The following RAD54L2 variants were observed in gnomAD, a reference collection of about 807,000 sequenced individuals.
RAD54L2 encodes the protein RAD54 like 2, also known as helicase ARIP4.
A neutral mutation model predicts 138.4 loss-of-function variants in RAD54L2; 27 were observed. The observed-to-expected ratio is 0.20, with a 90% confidence interval of 0.14 to 0.27. The LOEUF (loss-of-function observed/expected upper bound fraction) is 0.27, where lower values mean the gene tolerates loss of function less well. Ranked by LOEUF, RAD54L2 falls within the 10% of genes least tolerant of loss-of-function variation. The probability of loss-of-function intolerance (pLI) is 1.00; values close to 1 mark genes in which losing one functional copy is unlikely to be tolerated. For synonymous variants in RAD54L2, 644 were observed against 723.2 expected, an observed-to-expected ratio of 0.89 and a Z score of 1.76; for missense variants, 1,396 against 1,890.2, an observed-to-expected ratio of 0.74 and a Z score of 4.85.
At chr3:51,626,484 G>A (rs57884307) in intron 3 of RAD54L2, among the ~76,000 whole-genome samples, 3 of 108,002 alleles carry the variant, frequency 2.8e-5, no homozygotes, top group East Asian at 2.9e-4. Context: ...TCATTATGTC[G>A]CCCAGGCTGG....
At chr3:51,587,072 T>A (rs1422274842) in intron 2 of RAD54L2, among the ~76,000 whole-genome samples, 1 of 151,984 alleles carries the variant, frequency 6.6e-6, no homozygotes, top group Non-Finnish European at 1.5e-5. Context: ...ACCTATTAAA[T>A]GAACCAGTGA....
chr3:51,653,097 AC>A (rs1404462946), intron 19 of RAD54L2, among the ~76,000 whole-genome samples: 1 of 152,116 alleles, frequency 6.6e-6, no homozygotes, highest in Non-Finnish European at 1.5e-5. Flanking sequence ...AAATCAAACA[AC>A]CCCATCAAAA....
chr3:51,544,673 G>C (rs959647249), intron 2 of RAD54L2, among the ~76,000 whole-genome samples: 4 of 151,910 alleles, frequency 2.6e-5, no homozygotes, highest in African/African-American at 9.7e-5. Flanking sequence ...GCACGATCTT[G>C]GCTCACTGCC....
chr3:51,543,841 A>G (rs1161417002), intron 2 of RAD54L2, among the ~76,000 whole-genome samples: 3 of 152,012 alleles, frequency 2.0e-5, no homozygotes, highest in African/African-American at 4.8e-5. Flanking sequence ...TTTGCTCTCT[A>G]TTCTACAGCT....
At chr3:51,594,860 CT>C (rs71278623) in intron 3 of RAD54L2, among the ~76,000 whole-genome samples, 155 of 33,582 alleles carry the variant, frequency 4.6e-3, no homozygotes, top group African/African-American at 0.015. Context: ...TTGATGGGCG[CT>C]TTTTTTTTTT....
intron 2 of RAD54L2, among the ~76,000 whole-genome samples, chr3:51,559,168 G>A (rs1045059823): frequency 2.6e-5 from 4 of 152,100 alleles, no homozygotes; most frequent in Admixed American, 6.5e-5. Context: ...TATTAATGGC[G>A]TGAACCACTG....
chr3:51,606,212 G>A (rs1700176662), intron 3 of RAD54L2, among the ~76,000 whole-genome samples: 1 of 152,174 alleles, frequency 6.6e-6, no homozygotes, highest in South Asian at 2.1e-4. Flanking sequence ...GATAGGTGTA[G>A]TGTCTTAAAA....
intron 2 of RAD54L2, among the ~76,000 whole-genome samples, chr3:51,564,993 C>G (rs1699180904): frequency 6.6e-6 from 1 of 152,044 alleles, no homozygotes; most frequent in Non-Finnish European, 1.5e-5. Context: ...TTTTGTTCAT[C>G]ACACTCCTGA....
At chr3:51,660,868 C>T (rs1701750042) in intron 22 of RAD54L2, among the ~76,000 whole-genome samples, 1 of 151,800 alleles carries the variant, frequency 6.6e-6, no homozygotes, top group Admixed American at 6.6e-5. Flanking sequence ...GATCCGCCTG[C>T]CTCGGCCTCC....
chr3:51,569,590 G>C (rs1699291354), intron 2 of RAD54L2, among the ~76,000 whole-genome samples: 1 of 151,972 alleles, frequency 6.6e-6, no homozygotes, highest in Non-Finnish European at 1.5e-5. Flanking sequence ...TACCATGTTG[G>C]CCAGGCTGGT....
intron 2 of RAD54L2, among the ~76,000 whole-genome samples, chr3:51,550,575 C>T (rs1391594807): frequency 6.6e-6 from 1 of 152,012 alleles, no homozygotes; most frequent in African/African-American, 2.4e-5. Context: ...CCCGCCTGGG[C>T]AACATAGGGA....
intron 14 of RAD54L2, 75 bp from the exon 15 acceptor site, chr3:51,641,674 C>T (rs1701140042): frequency 1.0e-6 from 1 of 977,764 alleles, no homozygotes; most frequent in Non-Finnish European, 1.5e-6. Context: ...GAAAGTTGCA[C>T]AAGAGTATGG....
chr3:51,650,593 A>T (rs1170249186), intron 19 of RAD54L2, among the ~76,000 whole-genome samples: 1 of 152,234 alleles, frequency 6.6e-6, no homozygotes, highest in African/African-American at 2.4e-5. Context: ...TGTCTCTCAG[A>T]CCACAGTGCA....
intron 13 of RAD54L2, 68 bp downstream of exon 13, chr3:51,639,738 G>A: frequency 6.3e-7 from 1 of 1,584,070 alleles, no homozygotes. Flanking sequence ...GCCCTGCCTG[G>A]GGAAGGGGTA....
chr3:51,545,283 C>A (rs1194673231), intron 2 of RAD54L2, among the ~76,000 whole-genome samples: 4 of 152,142 alleles, frequency 2.6e-5, no homozygotes, highest in South Asian at 2.1e-4. Context: ...CCTCTGCCTC[C>A]CGGGTTCAAG....
At position 51,538,769 on chromosome 3, in the gene RAD54L2, C is replaced by G. The variant is rs1577374378; in HGVS notation, c.-263C>G. ...GACCGACGCTTGGCCAGAGCCAGCC[C>G]GCGGCGCCCGGGCCTGGCCGGCTGC... On this transcript the variant is annotated 5_prime_UTR_variant, in exon 1 of 23. Coordinates refer to ENST00000684192, the MANE Select transcript of RAD54L2 (RefSeq NM_015106.4). 1.3e-5 allele frequency among the ~76,000 whole-genome samples: 2 copies of G among 151,890 alleles called. No homozygotes were observed. The highest frequency in any genetic ancestry group is 1.9e-4 in the East Asian group (1 of 5,182).
Position 51,666,174 on chromosome 3 carries a change from C to CTTTTTTTTTTTTTT in RAD54L2, c.*2776_*2789dup, listed in dbSNP as rs1169939947. Reference sequence around the variant, plus strand: ...AGTGCTACCAGGTCCATGGTTTTTGCTTTTTTTTTTTTTTTTTTTTTTTTT... The same window carrying CTTTTTTTTTTTTTT: ...AGTGCTACCAGGTCCATGGTTTTTGCTTTTTTTTTTTTTTTTTTTTTTTTTTTTTTTTTTTTTTT... On this transcript the variant is annotated 3_prime_UTR_variant, in exon 23 of 23. Coordinates refer to ENST00000684192, the MANE Select transcript of RAD54L2 (RefSeq NM_015106.4). 7 of 58,710 alleles carry CTTTTTTTTTTTTTT rather than the reference C, an allele frequency of 1.2e-4. No homozygotes were observed. Among genetic ancestry groups the CTTTTTTTTTTTTTT allele is most frequent in the East Asian group, 5.5e-4 (1 of 1,832 alleles). The allele number at this position is 58,710 out of a possible 1,614,324, so 3.6% of individuals were successfully genotyped here. A position where few individuals can be genotyped will look rare whatever the true frequency, so the allele number is the denominator to read the frequency against.
chr3:51,554,167 G>C (rs970855888), intron 2 of RAD54L2, among the ~76,000 whole-genome samples: 3 of 152,218 alleles, frequency 2.0e-5, no homozygotes, highest in Non-Finnish European at 4.4e-5. Flanking sequence ...AAGAGATCGA[G>C]AGCAGCCTGA....
Position 51,627,565 on chromosome 3 carries a change from A to T in RAD54L2, c.152A>T (p.Glu51Val). 1.9e-6 allele frequency: 3 copies of T among 1,551,600 alleles called. No homozygotes were observed. The highest frequency in any genetic ancestry group is 1.4e-5 in the African/African-American group (1 of 73,156). ...EEDLLDDPSLEGMCGTEHAQL... is the reference protein window; with the variant it reads ...EEDLLDDPSLVGMCGTEHAQL... ...CTTGTTTTTTCAGACCCATCCCTGG[A>T]AGGCATGTGTGGCACTGAGCATGCC... Residue 51 changes from glutamate (E) to valine (V), a missense_variant, in exon 4 of 23, where the codon GAA (glutamate) becomes GTA (valine). Around this residue, in one of 7 missense-constraint regions of RAD54L2, gnomAD observed 256 missense variants for 344.6 expected, o/e 0.74. Transcript: ENST00000684192.
Sources: gnomAD v4.1 joint callset for allele counts (sites outside exome capture counted in the v4.1 genomes callset) on GRCh38, gnomAD v4.1.1 for gene constraint, gnomAD v4.1.1 regional missense constraint, MANE v1.5 for transcripts, NCBI Gene and HGNC (gene_info 2026-07-23, HGNC 2026-07-21) for gene names.